The following EFCAB6 variants were observed in gnomAD, a reference collection of about 807,000 sequenced individuals.
EFCAB6 encodes EF-hand calcium-binding domain-containing protein 6.
In EFCAB6, 156 loss-of-function variants were observed where a neutral mutation model predicts 169.8. That is an observed-to-expected ratio of 0.92 (90% CI 0.81 to 1.05). The LOEUF is 1.05. EFCAB6 is among the 50% of genes least tolerant of loss of function. The probability of loss-of-function intolerance (pLI) is 0.00; values close to 1 mark genes in which losing one functional copy is unlikely to be tolerated. For synonymous variants in EFCAB6, 698 were observed against 676.4 expected (o/e 1.03, Z -0.50); for missense variants, 1,800 against 1,829.1 (o/e 0.98, Z 0.29).
chr22:43,721,496 A>T (rs1166109101), intron 8 of EFCAB6, among the ~76,000 whole-genome samples: 1 of 152,214 alleles, frequency 6.6e-6, no homozygotes, highest in African/African-American at 2.4e-5. Flanking sequence ...TACAAACTAT[A>T]CTATAAGACT....
chr22:43,554,563 C>A (rs755841560), intron 27 of EFCAB6: 62 of 392,732 alleles, frequency 1.6e-4, no homozygotes, highest in Non-Finnish European at 2.6e-4. Context: ...CCATGACAGA[C>A]CCAGACCACA....
chr22:43,560,646 T>C (rs1421433451), intron 26 of EFCAB6, among the ~76,000 whole-genome samples: 1 of 152,068 alleles, frequency 6.6e-6, no homozygotes, highest in African/African-American at 2.4e-5. Flanking sequence ...CTGAGGTGGG[T>C]GCCACGGGAA....
At chr22:43,684,086 AC>A (rs1000350079) in intron 11 of EFCAB6, among the ~76,000 whole-genome samples, 1 of 151,996 alleles carries the variant, frequency 6.6e-6, no homozygotes, top group African/African-American at 2.4e-5. Context: ...TCCTCTCCCC[AC>A]GAGACCAACT....
At chr22:43,594,830 G>C (rs550258254) in intron 23 of EFCAB6, among the ~76,000 whole-genome samples, 8 of 152,288 alleles carry the variant, frequency 5.3e-5, no homozygotes, top group African/African-American at 1.9e-4. Context: ...GCAGAATACA[G>C]ATTCTTTTCA....
At chr22:43,630,008 G>T (rs994807362) in intron 19 of EFCAB6, among the ~76,000 whole-genome samples, 1 of 152,184 alleles carries the variant, frequency 6.6e-6, no homozygotes, top group Non-Finnish European at 1.5e-5. Context: ...GTTTCTAAAA[G>T]ATATATGAGG....
intron 15 of EFCAB6, among the ~76,000 whole-genome samples, chr22:43,671,074 G>GCA (rs1283752607): frequency 3.3e-5 from 5 of 152,376 alleles, no homozygotes; most frequent in Admixed American, 3.3e-4. Context: ...CAGCCCAGCT[G>GCA]CACAGTCTCA....
At chr22:43,734,590 G>C (rs1248556839) in intron 7 of EFCAB6, among the ~76,000 whole-genome samples, 3 of 152,128 alleles carry the variant, frequency 2.0e-5, no homozygotes, top group Non-Finnish European at 2.9e-5. Flanking sequence ...TTTTAGAAGA[G>C]TGCTGCCTCT....
At chr22:43,719,524 A>C (rs1569437449) in intron 8 of EFCAB6, among the ~76,000 whole-genome samples, 1 of 152,238 alleles carries the variant, frequency 6.6e-6, no homozygotes, top group Non-Finnish European at 1.5e-5. Flanking sequence ...CATTTAGAGA[A>C]GTCAGAGATA....
chr22:43,656,626 T>C (rs1233021935), intron 17 of EFCAB6, among the ~76,000 whole-genome samples: 2 of 152,224 alleles, frequency 1.3e-5, no homozygotes, highest in Non-Finnish European at 2.9e-5. Flanking sequence ...TGGCCTACAC[T>C]GTGCGGTATA....
At chr22:43,693,537 A>T (rs1490659009) in intron 10 of EFCAB6, among the ~76,000 whole-genome samples, 1 of 148,902 alleles carries the variant, frequency 6.7e-6, no homozygotes, top group African/African-American at 2.5e-5. Flanking sequence ...GGCATCCTAG[A>T]TGATATCCTG....
chr22:43,697,704 C>G (rs893337225), intron 10 of EFCAB6, among the ~76,000 whole-genome samples: 1 of 152,134 alleles, frequency 6.6e-6, no homozygotes, highest in African/African-American at 2.4e-5. Flanking sequence ...CTTTTATTGT[C>G]TCAGGCAGCA....
chr22:43,668,836 G>GAAA (rs1198506095), intron 16 of EFCAB6, 36 bp downstream of exon 16: 1 of 1,526,144 alleles, frequency 6.6e-7, no homozygotes, highest in Non-Finnish European at 8.8e-7. Flanking sequence ...CAGACACTGT[G>GAAA]GTTTTGATAT....
At chr22:43,738,040 TCACA>T (rs931457702) in intron 6 of EFCAB6, among the ~76,000 whole-genome samples, 2 of 142,776 alleles carry the variant, frequency 1.4e-5, no homozygotes, top group East Asian at 4.4e-4. Context: ...CTGCATATAC[TCACA>T]CATTCACACC....
intron 3 of EFCAB6, among the ~76,000 whole-genome samples, chr22:43,775,927 C>T (rs983644369): frequency 6.6e-6 from 1 of 152,232 alleles, no homozygotes; most frequent in Non-Finnish European, 1.5e-5. Context: ...TCAGCCCAGC[C>T]TCTGCACCTC....
At chr22:43,712,173 A>T (rs1014987839) in intron 9 of EFCAB6, among the ~76,000 whole-genome samples, 22 of 152,242 alleles carry the variant, frequency 1.4e-4, no homozygotes, top group African/African-American at 5.1e-4. Context: ...AGCTTTGCTT[A>T]TGGGGCTTCT....
chr22:43,631,306 A>G (rs976132235), intron 19 of EFCAB6, among the ~76,000 whole-genome samples: 8 of 151,438 alleles, frequency 5.3e-5, no homozygotes, highest in African/African-American at 2.0e-4. Context: ...TTTACTTCTC[A>G]TCACAAAAAG....
intron 6 of EFCAB6, among the ~76,000 whole-genome samples, chr22:43,738,091 T>C (rs2060224152): frequency 7.1e-6 from 1 of 141,296 alleles, no homozygotes; most frequent in African/African-American, 2.7e-5. Flanking sequence ...TACATGCAGA[T>C]ACATGCACAC....
intron 26 of EFCAB6, among the ~76,000 whole-genome samples, chr22:43,575,395 A>C (rs2050184800): frequency 1.6e-5 from 2 of 123,122 alleles, no homozygotes; most frequent in African/African-American, 3.2e-5. Flanking sequence ...TTCAGTGGAG[A>C]TGGGGTTTCA....
chr22:43,800,188 C>T (rs1045505446), intron 2 of EFCAB6, among the ~76,000 whole-genome samples: 2 of 152,206 alleles, frequency 1.3e-5, no homozygotes, highest in African/African-American at 4.8e-5. Flanking sequence ...CCCTACCCAA[C>T]CTTCCCACGC....
Sources: allele counts gnomAD v4.1 joint callset (sites outside exome capture counted in the v4.1 genomes callset), GRCh38; gene constraint gnomAD v4.1.1; transcripts MANE v1.5; gene names NCBI Gene and HGNC (gene_info 2026-07-23, HGNC 2026-07-21).